The following POGLUT3 variants were observed in gnomAD, a reference collection of about 807,000 sequenced individuals.
The protein encoded by POGLUT3 is KDEL (Lys-Asp-Glu-Leu) containing 2.
In POGLUT3, 48 loss-of-function variants were observed where a neutral mutation model predicts 54.3. The ratio of observed to expected loss-of-function variants is 0.88; its 90% CI spans 0.70 to 1.12. The LOEUF is 1.12. Among genes scored for constraint, POGLUT3 ranks in the 50% most tolerant of loss-of-function variants. The probability of loss-of-function intolerance (pLI) is 0.00; values close to 1 mark genes in which losing one functional copy is unlikely to be tolerated. For missense variants in POGLUT3, 629 were observed against 618.7 expected (o/e 1.02, Z -0.18); for synonymous variants, 218 against 237.4 (o/e 0.92, Z 0.75).
In POGLUT3 at chr11:108,479,466, G is replaced by A. The variant is rs183206038; in HGVS notation, c.1128C>T (p.Thr376=). The change falls in exon 6 of 8, where the codon ACC becomes ACT. Residue 376 remains threonine, a synonymous_variant. Transcript: ENST00000323468. ...GATATGGATATCTGTAAGCAGCCAC[G>A]GTCCCATCCACATTTACTTGATACT... ...KYKYQVNVDG[T]VAAYRYPYLM... 30 of 1,601,246 alleles carry A rather than the reference G, an allele frequency of 1.9e-5. 1 individual carries two copies. In the East Asian group the frequency reaches 2.0e-4, roughly 11 times the overall value.
chr11:108,486,114 C>A, intron 3 of POGLUT3, 43 bp downstream of exon 3: 1 of 1,414,892 alleles, frequency 7.1e-7, no homozygotes, highest in South Asian at 1.2e-5. Context: ...AAATGTTATA[C>A]CTAAATAATT....
At chr11:108,489,887 G>A (rs1201734719) in intron 2 of POGLUT3, among the ~76,000 whole-genome samples, 1 of 152,116 alleles carries the variant, frequency 6.6e-6, no homozygotes, top group Non-Finnish European at 1.5e-5. Flanking sequence ...TTTTGTTTCT[G>A]TTTTATTTCG....
In POGLUT3 at chr11:108,498,270, G is replaced by A; in HGVS notation, c.97C>T (p.Leu33=). The change falls in exon 1 of 8, where the codon CTG becomes TTG. Residue 33 remains leucine, a synonymous_variant. Coordinates refer to ENST00000323468, the MANE Select transcript of POGLUT3 (RefSeq NM_153705.5). ...PEVLVSAPRS[L]VWGPGLQAAV... ...GCCTGCAGCCCGGGCCCCCACACCA[G>A]GCTCCGCGGCGCGCTGACCAGCACC... The A allele has an allele frequency of 6.7e-7, 1 of 1,494,872 alleles. No homozygotes were observed. Among genetic ancestry groups the A allele is most frequent in the Non-Finnish European group, 8.9e-7 (1 of 1,122,264 alleles). The allele number at this position is 1,494,872 out of a possible 1,614,324, so 92.6% of individuals were successfully genotyped here.
In POGLUT3 at chr11:108,474,915, C is replaced by T. The variant is rs775203476; in HGVS notation, c.1436G>A (p.Arg479His). The T allele has an allele frequency of 2.4e-5, 39 of 1,613,944 alleles. No homozygotes were observed. The highest frequency in any genetic ancestry group is 6.7e-5 in the East Asian group (3 of 44,892). The part of the protein sequence containing the change: ...AERQSSKPEV[R>H]DGMELVPQPE... ...CTGAGGAACAAGTTCCATTCCATCA[C>T]GTACTTCGGGTTTGCTGGACTGGCG... The change falls in exon 8 of 8, where the codon CGT becomes CAT. Residue 479 changes from arginine (R) to histidine (H), a missense_variant. Coordinates refer to ENST00000323468, the MANE Select transcript of POGLUT3 (RefSeq NM_153705.5).
Position 108,479,330 on chromosome 11 carries a change from C to T in POGLUT3, c.1264G>A (p.Asp422Asn), listed in dbSNP as rs1460339955. The T allele has an allele frequency of 6.2e-7, 1 of 1,610,584 alleles. No homozygotes were observed. The highest frequency in any genetic ancestry group is 1.7e-5 in the Admixed American group (1 of 58,608). ...GCCCATTTAACTTTCTCTAATAAAT[C>T]ACTCAGATTTCTTTTAATTGGAACA... ...HYVPIKRNLS[D>N]LLEKVKWAKE... is the part of the protein sequence containing the mutation. The change falls in exon 6 of 8, where the codon GAT (aspartate) becomes AAT (asparagine). Residue 422 changes from aspartate to asparagine, a missense_variant. Physicochemically the swap from Asp to Asn is conservative, Grantham distance 23. Coordinates refer to ENST00000323468, the MANE Select transcript of POGLUT3 (RefSeq NM_153705.5).
At chr11:108,479,169 G>A (rs981523426) in intron 6 of POGLUT3, 132 bp downstream of exon 6, 11 of 635,188 alleles carry the variant, frequency 1.7e-5, no homozygotes, top group Admixed American at 1.2e-4. Context: ...GATATTTCAA[G>A]GGAACAGCAA....
chr11:108,478,762 C>T (rs2093587042), intron 6 of POGLUT3, among the ~76,000 whole-genome samples: 1 of 152,166 alleles, frequency 6.6e-6, no homozygotes, highest in East Asian at 1.9e-4. Flanking sequence ...TTCTTAGAAT[C>T]TTAGTATAAA....
At chr11:108,476,846 C>A (rs11212664) in intron 7 of POGLUT3, among the ~76,000 whole-genome samples, 7,448 of 152,120 alleles carry the variant, frequency 0.049, 623 homozygotes, top group African/African-American at 0.17. Flanking sequence ...CTGCCTTGTA[C>A]TATAAAAGGC....
At chr11:108,475,250 C>G (rs2093578414) in intron 7 of POGLUT3, among the ~76,000 whole-genome samples, 1 of 152,144 alleles carries the variant, frequency 6.6e-6, no homozygotes. Flanking sequence ...AACAGCAGCT[C>G]TCAGCATTTA....
Position 108,477,701 on chromosome 11 carries a change from T to G in POGLUT3, c.1304A>C (p.Glu435Ala). The change falls in exon 7 of 8, where the codon GAA (glutamate) becomes GCA (alanine). Residue 435 changes from glutamate to alanine, a missense_variant. Physicochemically the swap from Glu to Ala is moderately radical, Grantham distance 107. Coordinates refer to ENST00000323468, the MANE Select transcript of POGLUT3 (RefSeq NM_153705.5). ...EKVKWAKEND[E>A]EAKKIAKEGQ... ...TTCTTTTGCAATCTTCTTGGCTTCT[T>G]CATCATTTTCCTGAAAGGTTAAAAA... 6.2e-7 allele frequency: 1 copy of G among 1,607,024 alleles called. No homozygotes were observed. Among genetic ancestry groups the G allele is most frequent in the Non-Finnish European group, 8.5e-7 (1 of 1,174,328 alleles).
intron 2 of POGLUT3, among the ~76,000 whole-genome samples, chr11:108,488,630 G>C (rs2093607960): frequency 6.6e-6 from 1 of 152,222 alleles, no homozygotes; most frequent in Non-Finnish European, 1.5e-5. Context: ...ATATTGAGCA[G>C]AGCATATGAT....
At position 108,473,760 on chromosome 11, in the gene POGLUT3, T is replaced by C. The variant is rs768761350; in HGVS notation, c.*1067A>G. 9.2e-5 allele frequency: 14 copies of C among 152,212 alleles called. No homozygotes were observed. Among genetic ancestry groups the C allele is most frequent in the Admixed American group, 1.3e-4 (2 of 15,284 alleles). 9.4% of individuals were successfully genotyped at this position (152,212 alleles called of 1,614,324 possible). ...ATATAGAGATAATGAATGATGCCTATAGCATACCTTCATCTATGTTAATAA... is the reference window on the plus strand; with the variant it reads ...ATATAGAGATAATGAATGATGCCTACAGCATACCTTCATCTATGTTAATAA... On this transcript the variant is annotated 3_prime_UTR_variant, in exon 8 of 8. Coordinates refer to ENST00000323468, the MANE Select transcript of POGLUT3 (RefSeq NM_153705.5).
chr11:108,479,511 CAAACAT>C lies in POGLUT3; in HGVS notation c.1099-22_1099-17del, dbSNP rs753212744. ...GATACTTGTACTGGAAGATGAAAAA[CAAACAT>C]AAACAAACTTTCAGTAGTCATTTGC... On this transcript the variant is annotated splice_polypyrimidine_tract_variant and intron_variant, in intron 5 of 7. Transcript: ENST00000323468. 7.0e-6 allele frequency: 11 copies of C among 1,561,686 alleles called. No individual in the cohort carries two copies. The South Asian group carries it at 1.3e-4, about 19-fold the overall frequency.
In POGLUT3 at chr11:108,493,675, G is replaced by A. The variant is rs7113866; in HGVS notation, c.203-2508C>T. On this transcript the variant is annotated intron_variant, in intron 1 of 7. Transcript: ENST00000323468. ...AAAAATTAGCCGGGCATGATGATGC[G>A]CACCTGTAATCCCAGCTACTCAGGA... is the stretch of plus-strand genomic sequence containing the variant. Among the ~76,000 whole-genome samples, 10 of 151,794 alleles carry A rather than the reference G, an allele frequency of 6.6e-5. No individual in the cohort carries two copies. The South Asian group carries it at 1.7e-3, about 25-fold the overall frequency.
intron 5 of POGLUT3, among the ~76,000 whole-genome samples, chr11:108,480,232 G>T (rs143200895): frequency 2.4e-4 from 36 of 152,314 alleles, no homozygotes; most frequent in Non-Finnish European, 3.8e-4. Flanking sequence ...CGCAGTCTAT[G>T]AAACAGGCAG....
intron 2 of POGLUT3, among the ~76,000 whole-genome samples, chr11:108,487,275 G>A (rs900485778): frequency 8.2e-6 from 1 of 122,602 alleles, no homozygotes; most frequent in Non-Finnish European, 1.6e-5. Context: ...CATCTTAAAT[G>A]TATTGATTAA....
chr11:108,481,192 A>G lies in POGLUT3; in HGVS notation c.1086T>C (p.Phe362=), dbSNP rs1238002245. 11 of 1,608,898 alleles carry G rather than the reference A, an allele frequency of 6.8e-6. No individual in the cohort carries two copies. The highest frequency in any genetic ancestry group is 9.3e-6 in the Non-Finnish European group (11 of 1,178,620). The change falls in exon 5 of 8, where the codon TTT becomes TTC. Residue 362 remains phenylalanine, a synonymous_variant. Transcript: ENST00000323468. ...CTCAAATGCATACCTTAAAGAAATC[A>G]AAGAAACCCATCAACTTGGCTTTTC... ...ELGKAKLMGF[F]DFFKYKYQVN...
At chr11:108,484,080 C>T (rs1254223870) in intron 3 of POGLUT3, among the ~76,000 whole-genome samples, 3 of 152,074 alleles carry the variant, frequency 2.0e-5, no homozygotes, top group Non-Finnish European at 4.4e-5. Flanking sequence ...TAATTCTTTG[C>T]GATGGGGTTG....
chr11:108,474,865 G>A lies in POGLUT3; in HGVS notation c.1486C>T (p.Gln496Ter). 2 of 1,614,102 alleles carry A rather than the reference G, an allele frequency of 1.2e-6. No homozygotes were observed. The highest frequency in any genetic ancestry group is 1.7e-6 in the Non-Finnish European group (2 of 1,179,988). Reference protein sequence around the residue: ...PQPEDSTAICQCHRKKPSREE... With the variant: ...PQPEDSTAIC ...CTTGAAGGCTTTTTCCTGTGGCACT[G>A]GCAGATGGCTGTGCTATCTTCTGGC... is the stretch of plus-strand genomic sequence containing the variant. The change falls in exon 8 of 8, where the codon CAG becomes TAG. Residue 496 changes from glutamine to a stop codon, truncating the protein, a stop_gained. Transcript: ENST00000323468. LOFTEE classifies it high-confidence loss of function.
Sources: gnomAD v4.1 joint callset for allele counts (sites outside exome capture counted in the v4.1 genomes callset) on GRCh38, gnomAD v4.1.1 for gene constraint, MANE v1.5 for transcripts, NCBI Gene and HGNC (gene_info 2026-07-23, HGNC 2026-07-21) for gene names.